DYNC1I1: variants seen among roughly 807,000 people sequenced by gnomAD.
The protein encoded by DYNC1I1 is cytoplasmic dynein 1 intermediate chain 1.
Under a neutral mutation model 86.6 loss-of-function variants are expected in DYNC1I1, and 43 were observed. The observed-to-expected ratio is 0.50, with a 90% CI of 0.39 to 0.64. The LOEUF (loss-of-function observed/expected upper bound fraction) is 0.64, where lower values mean the gene tolerates loss of function less well. DYNC1I1 is among the 30% of genes least tolerant of loss of function. The probability of loss-of-function intolerance (pLI) is 0.00; values close to 1 mark genes in which losing one functional copy is unlikely to be tolerated. For synonymous variants in DYNC1I1, 262 were observed against 283.7 expected, an observed-to-expected ratio of 0.92 and a Z score of 0.77; for missense variants, 604 against 788.8, an observed-to-expected ratio of 0.77 and a Z score of 2.81.
intron 9 of DYNC1I1, among the ~76,000 whole-genome samples, 155 bp downstream of exon 9, chr7:95,987,310 A>G (rs1324893787): frequency 6.6e-6 from 1 of 151,958 alleles, no homozygotes; most frequent in Non-Finnish European, 1.5e-5. Context: ...TCAATTCTCT[A>G]CTCAGTTATT....
chr7:95,900,343 TAGAAGGCTCTTTGGAAACCACA>T (rs1438156015), intron 6 of DYNC1I1, among the ~76,000 whole-genome samples: 1 of 152,084 alleles, frequency 6.6e-6, no homozygotes, highest in Non-Finnish European at 1.5e-5. Flanking sequence ...TTGGCTAGGG[TAGAAGGCTCTTTGGAAACCACA>T]AAGCCACATC....
intron 5 of DYNC1I1, among the ~76,000 whole-genome samples, chr7:95,843,879 G>C (rs1268029821): frequency 6.6e-6 from 1 of 152,138 alleles, no homozygotes; most frequent in African/African-American, 2.4e-5. Context: ...GAAATAACAG[G>C]ATAAAAAGAG....
chr7:95,890,472 G>A (rs556998522), intron 6 of DYNC1I1, among the ~76,000 whole-genome samples: 27 of 152,188 alleles, frequency 1.8e-4, no homozygotes, highest in African/African-American at 6.0e-4. Flanking sequence ...ATCAGAAAAA[G>A]TAACTATTGG....
intron 2 of DYNC1I1, among the ~76,000 whole-genome samples, chr7:95,810,062 G>T (rs959096919): frequency 6.6e-6 from 1 of 152,056 alleles, no homozygotes; most frequent in African/African-American, 2.4e-5. Flanking sequence ...GGACAAGGAA[G>T]TCTAAAAAAA....
At chr7:96,031,552 C>T (rs1794808151) in intron 11 of DYNC1I1, among the ~76,000 whole-genome samples, 1 of 152,112 alleles carries the variant, frequency 6.6e-6, no homozygotes, top group Non-Finnish European at 1.5e-5. Flanking sequence ...GAGTTTGGAC[C>T]ACCTCTTGGT....
intron 6 of DYNC1I1, among the ~76,000 whole-genome samples, chr7:95,947,840 C>CGGTTATGT (rs1156655943): frequency 6.6e-6 from 1 of 152,002 alleles, no homozygotes; most frequent in Non-Finnish European, 1.5e-5. Context: ...TCAAGCATCA[C>CGGTTATGT]GGTTATGTGG....
chr7:95,922,137 A>G (rs1791625871), intron 6 of DYNC1I1, among the ~76,000 whole-genome samples: 1 of 152,160 alleles, frequency 6.6e-6, no homozygotes, highest in Non-Finnish European at 1.5e-5. Context: ...GCTGTGTTAT[A>G]TTTTTAATCT....
chr7:95,942,764 A>G (rs1279756459), intron 6 of DYNC1I1, among the ~76,000 whole-genome samples: 2 of 146,442 alleles, frequency 1.4e-5, no homozygotes, highest in Admixed American at 1.4e-4. Context: ...AGAACCAAAG[A>G]CAAAAACCAC....
rs868568222 is a variant in DYNC1I1, at chr7:96,103,635, C to T, written c.1543-6344C>T. Among the ~76,000 whole-genome samples the T allele has an allele frequency of 1.0e-4, 15 of 148,168 alleles. 1 individual carries two copies. In the South Asian group the frequency reaches 1.7e-3, roughly 17 times the overall value. On this transcript the variant is annotated intron_variant, in intron 16 of 16. Transcript: ENST00000537881. The stretch of plus-strand genomic sequence containing the variant: ...ATGGATTTTTTTTTTTTTTTTGAGA[C>T]GGAGTCTCGCTCTGTCGCCCAAGCT...
chr7:95,888,617 A>C (rs1023572813), intron 6 of DYNC1I1, among the ~76,000 whole-genome samples: 3 of 152,080 alleles, frequency 2.0e-5, no homozygotes, highest in African/African-American at 7.2e-5. Context: ...ATTTTAGCAA[A>C]ATGTGATTTT....
At chr7:95,990,159 G>A (rs1473464706) in intron 9 of DYNC1I1, among the ~76,000 whole-genome samples, 1 of 152,144 alleles carries the variant, frequency 6.6e-6, no homozygotes, top group Non-Finnish European at 1.5e-5. Flanking sequence ...TCATTCCTTG[G>A]AAGAAATCTG....
intron 1 of DYNC1I1, among the ~76,000 whole-genome samples, chr7:95,776,670 T>A (rs558568301): frequency 1.3e-5 from 2 of 152,228 alleles, no homozygotes; most frequent in South Asian, 4.1e-4. Flanking sequence ...AAAAATAAAA[T>A]GTTCTTGGCT....
At chr7:95,931,204 G>A (rs1791886025) in intron 6 of DYNC1I1, among the ~76,000 whole-genome samples, 1 of 151,110 alleles carries the variant, frequency 6.6e-6, no homozygotes, top group Admixed American at 6.6e-5. Context: ...GGAGTGCAGT[G>A]GCGCAATCTC....
chr7:96,107,046 T>C (rs1322869268), intron 16 of DYNC1I1, among the ~76,000 whole-genome samples: 3 of 151,554 alleles, frequency 2.0e-5, no homozygotes, highest in African/African-American at 4.9e-5. Flanking sequence ...TTTTTTTTTT[T>C]GACAGCGTCT....
intron 6 of DYNC1I1, among the ~76,000 whole-genome samples, chr7:95,966,060 A>G (rs1793004489): frequency 6.6e-6 from 1 of 152,156 alleles, no homozygotes; most frequent in South Asian, 2.1e-4. Context: ...CTGATGGGTG[A>G]CCATGTGTTC....
At chr7:95,880,574 G>A (rs1017102759) in intron 6 of DYNC1I1, among the ~76,000 whole-genome samples, 4 of 151,226 alleles carry the variant, frequency 2.6e-5, no homozygotes, top group African/African-American at 9.7e-5. Context: ...GAGTGGGTAA[G>A]TCTGCCTATT....
intron 6 of DYNC1I1, among the ~76,000 whole-genome samples, chr7:95,960,731 A>G (rs1364845314): frequency 6.6e-6 from 1 of 152,186 alleles, no homozygotes; most frequent in Admixed American, 6.5e-5. Context: ...TAAAAGGACA[A>G]TAGTTGATAC....
intron 3 of DYNC1I1, among the ~76,000 whole-genome samples, chr7:95,810,754 C>T (rs116148088): frequency 3.9e-5 from 6 of 152,208 alleles, no homozygotes; most frequent in African/African-American, 1.4e-4. Context: ...ACCTTCTCCA[C>T]CGTGTTACTA....
intron 5 of DYNC1I1, among the ~76,000 whole-genome samples, chr7:95,863,131 C>T (rs1005313211): frequency 1.2e-4 from 19 of 152,088 alleles, no homozygotes; most frequent in African/African-American, 4.3e-4. Context: ...AGTCTAACAA[C>T]TGATGAATGG....
Sources: allele counts gnomAD v4.1 joint callset (sites outside exome capture counted in the v4.1 genomes callset), GRCh38; gene constraint gnomAD v4.1.1; transcripts MANE v1.5; gene names NCBI Gene and HGNC (gene_info 2026-07-23, HGNC 2026-07-21).